RALYL: variants seen among roughly 807,000 people sequenced by gnomAD.
RALYL encodes the protein RALY RNA binding protein like.
In RALYL, 29 loss-of-function variants were observed where a neutral mutation model predicts 35.1. The ratio of observed to expected loss-of-function variants is 0.83; its 90% CI spans 0.61 to 1.13. RALYL has a LOEUF of 1.13. Ranked by LOEUF, RALYL falls within the 50% of genes most tolerant of loss-of-function variation. The pLI, the probability that RALYL is intolerant of heterozygous loss-of-function variation, is 0.00. For synonymous variants in RALYL, 120 were observed against 127.6 expected (o/e 0.94, Z 0.40); for missense variants, 359 against 360.4 (o/e 1.00, Z 0.03).
chr8:84,436,543 G>GGTTTT (rs2047734256), intron 1 of RALYL, among the ~76,000 whole-genome samples: 1 of 62,396 alleles, frequency 1.6e-5, no homozygotes. Flanking sequence ...AATCATGGGA[G>GGTTTT]TTTTTTTTTT....
chr8:84,622,239 T>C (rs999343971), intron 2 of RALYL, among the ~76,000 whole-genome samples: 3 of 152,110 alleles, frequency 2.0e-5, no homozygotes, highest in African/African-American at 4.8e-5. Flanking sequence ...AATAACCTGG[T>C]AGAGAGTTAA....
At chr8:84,214,143 G>A (rs555096184) in intron 1 of RALYL, among the ~76,000 whole-genome samples, 1 of 152,026 alleles carries the variant, frequency 6.6e-6, no homozygotes, top group South Asian at 2.1e-4. Flanking sequence ...ACTTAATTAG[G>A]TCAAATTACC....
chr8:84,467,354 G>A (rs1204163599), intron 1 of RALYL, among the ~76,000 whole-genome samples: 59 of 151,462 alleles, frequency 3.9e-4, no homozygotes, highest in South Asian at 1.0e-3. Flanking sequence ...CTTTGTTCTC[G>A]TTGGTTTCAA....
intron 7 of RALYL, among the ~76,000 whole-genome samples, chr8:84,885,498 A>G (rs1478566155): frequency 2.0e-5 from 3 of 152,132 alleles, no homozygotes; most frequent in African/African-American, 7.2e-5. Context: ...GTACATCTGT[A>G]TATGCATATC....
At chr8:84,254,693 AATAGTTCGTTTTC>A (rs1220850708) in intron 1 of RALYL, among the ~76,000 whole-genome samples, 1 of 147,426 alleles carries the variant, frequency 6.8e-6, no homozygotes, top group Non-Finnish European at 1.5e-5. Context: ...GTGAAGATGT[AATAGTTCGTTTTC>A]ACACTGCTAT....
intron 1 of RALYL, among the ~76,000 whole-genome samples, chr8:84,197,480 G>A (rs142346715): frequency 1.3e-5 from 2 of 152,076 alleles, no homozygotes; most frequent in African/African-American, 4.8e-5. Context: ...GAGATGAATG[G>A]TGATAATAAA....
At chr8:84,422,272 C>G (rs1205463269) in intron 1 of RALYL, among the ~76,000 whole-genome samples, 1 of 113,804 alleles carries the variant, frequency 8.8e-6, no homozygotes, top group Admixed American at 9.2e-5. Context: ...CTGGTTTAGT[C>G]TTGGGAGAGT....
intron 1 of RALYL, among the ~76,000 whole-genome samples, chr8:84,415,666 A>G (rs915358736): frequency 6.6e-6 from 1 of 152,238 alleles, no homozygotes; most frequent in Non-Finnish European, 1.5e-5. Context: ...ATGCACAGAT[A>G]ACATCTAGGA....
At chr8:84,402,500 C>G (rs1278756943) in intron 1 of RALYL, among the ~76,000 whole-genome samples, 1 of 152,088 alleles carries the variant, frequency 6.6e-6, no homozygotes, top group African/African-American at 2.4e-5. Flanking sequence ...TCTACATGAT[C>G]AACTACCTAC....
At position 84,236,872 on chromosome 8, in the gene RALYL, C is replaced by T. The variant is rs13276052; in HGVS notation, c.-24+52448C>T. On this transcript the variant is annotated intron_variant, in intron 1 of 8. Coordinates refer to ENST00000521268, the MANE Select transcript of RALYL (RefSeq NM_173848.7). ...ATAAAATTATGGGAGATGATGTGTA[C>T]TTCAATAAAAGTTTATTAAGCTGAA... Among the ~76,000 whole-genome samples the T allele has an allele frequency of 6.7e-3, 1,023 of 152,206 alleles. 6 individuals are homozygous for T. The highest frequency in any genetic ancestry group is 8.3e-3 in the Non-Finnish European group (564 of 68,022).
chr8:84,247,201 C>A (rs925313403), intron 1 of RALYL, among the ~76,000 whole-genome samples: 1 of 152,092 alleles, frequency 6.6e-6, no homozygotes, highest in African/African-American at 2.4e-5. Context: ...TTGTACAAAG[C>A]CAGAAGCTTT....
intron 1 of RALYL, among the ~76,000 whole-genome samples, chr8:84,184,713 G>T (rs1184944347): frequency 1.3e-5 from 2 of 151,936 alleles, no homozygotes; most frequent in Non-Finnish European, 2.9e-5. Flanking sequence ...GGTGGCGTCT[G>T]CGCTGCGGGC....
At chr8:84,840,217 T>TG (rs1342512600) in intron 4 of RALYL, among the ~76,000 whole-genome samples, 1 of 121,900 alleles carries the variant, frequency 8.2e-6, no homozygotes, top group Non-Finnish European at 1.8e-5. Context: ...TAAAAAACCT[T>TG]GAAAAAAAAA....
intron 2 of RALYL, among the ~76,000 whole-genome samples, chr8:84,598,720 G>A (rs1815199722): frequency 6.6e-6 from 1 of 152,100 alleles, no homozygotes; most frequent in Admixed American, 6.6e-5. Context: ...TAACAAAAAT[G>A]TAGCATTAAA....
At chr8:84,415,160 G>GT (rs755615169) in intron 1 of RALYL, among the ~76,000 whole-genome samples, 6,514 of 82,928 alleles carry the variant, frequency 0.079, 151 homozygotes, top group Middle Eastern at 0.16. Flanking sequence ...TTCTGCCTCT[G>GT]TTTTTTTTTT....
intron 2 of RALYL, among the ~76,000 whole-genome samples, chr8:84,640,387 G>T (rs895269000): frequency 6.9e-4 from 105 of 152,072 alleles, no homozygotes; most frequent in African/African-American, 2.5e-3. Flanking sequence ...CTTCTTATGG[G>T]AAGCCCATTT....
intron 1 of RALYL, among the ~76,000 whole-genome samples, chr8:84,386,678 C>A (rs1318408323): frequency 2.0e-5 from 3 of 151,828 alleles, no homozygotes; most frequent in Non-Finnish European, 2.9e-5. Context: ...GGTTACCACA[C>A]TGGCCTGCCT....
At position 84,607,167 on chromosome 8, in the gene RALYL, CT is replaced by C. The variant is rs371027364; in HGVS notation, c.256+77594del. The stretch of plus-strand genomic sequence containing the variant: ...TTTTCCAGATTTTCTTCTTCCTTCT[CT>C]TTTCCCCCCCCTTTTCTTCCTGCTT... On this transcript the variant is annotated intron_variant, in intron 2 of 8. Coordinates refer to ENST00000521268, the MANE Select transcript of RALYL (RefSeq NM_173848.7). Among the ~76,000 whole-genome samples, 130 of 152,040 alleles carry C rather than the reference CT, an allele frequency of 8.6e-4. 2 individuals carry two copies. Among genetic ancestry groups the C allele is most frequent in the South Asian group, 8.3e-3 (40 of 4,806 alleles).
intron 2 of RALYL, among the ~76,000 whole-genome samples, chr8:84,615,560 G>C (rs190276567): frequency 1.5e-4 from 18 of 119,230 alleles, no homozygotes; most frequent in Middle Eastern, 6.8e-3. Flanking sequence ...CCTGACTATA[G>C]AACTTTCGTC....
Sources: allele counts gnomAD v4.1 joint callset (sites outside exome capture counted in the v4.1 genomes callset), GRCh38; gene constraint gnomAD v4.1.1; transcripts MANE v1.5; gene names NCBI Gene and HGNC (gene_info 2026-07-23, HGNC 2026-07-21).